EML1: variants seen among roughly 807,000 people sequenced by gnomAD.
EML1 encodes the protein EMAP like 1, also known as echinoderm microtubule-associated protein-like 1.
Under a neutral mutation model 110.4 loss-of-function variants are expected in EML1, and 27 were observed. The ratio of observed to expected loss-of-function variants is 0.24; its 90% CI spans 0.18 to 0.34. The LOEUF (loss-of-function observed/expected upper bound fraction) is 0.34. EML1 is among the 10% of genes least tolerant of loss of function. The pLI, the probability that EML1 is intolerant of heterozygous loss-of-function variation, is 1.00. For synonymous variants in EML1, 344 were observed against 385.8 expected (o/e 0.89, Z 1.27); for missense variants, 741 against 1,030.9 (o/e 0.72, Z 3.85).
intron 14 of EML1, 55 bp from the exon 15 acceptor site, chr14:99,914,511 C>T: frequency 6.4e-7 from 1 of 1,554,446 alleles, no homozygotes. Flanking sequence ...CTTACGGCTC[C>T]TGAGTGCGAA....
chr14:99,779,948 C>T (rs193027385), intron 1 of EML1, among the ~76,000 whole-genome samples: 96 of 152,302 alleles, frequency 6.3e-4, no homozygotes, highest in Non-Finnish European at 1.2e-3. Context: ...AAATACCATA[C>T]ACTGGGTGAC....
intron 10 of EML1, among the ~76,000 whole-genome samples, chr14:99,908,859 ATTCCAGGGCCC>A (rs1437151888): frequency 2.0e-5 from 3 of 152,204 alleles, no homozygotes; most frequent in African/African-American, 7.2e-5. Flanking sequence ...TGTAAAATCC[ATTCCAGGGCCC>A]TCCCTGGAGA....
At chr14:99,813,931 G>T (rs1010689565) in intron 1 of EML1, among the ~76,000 whole-genome samples, 3 of 152,206 alleles carry the variant, frequency 2.0e-5, no homozygotes, top group African/African-American at 7.2e-5. Flanking sequence ...TGGGTCAGCT[G>T]CCCGGAGCAC....
At chr14:99,796,936 T>TGTGTGTGA (rs368044152) in intron 1 of EML1, among the ~76,000 whole-genome samples, 11 of 150,142 alleles carry the variant, frequency 7.3e-5, no homozygotes, top group South Asian at 6.4e-4. Context: ...TGTGTGTGTG[T>TGTGTGTGA]GAGAGAGTAA....
intron 1 of EML1, among the ~76,000 whole-genome samples, chr14:99,840,539 C>T (rs992562507): frequency 1.3e-5 from 2 of 152,204 alleles, no homozygotes; most frequent in African/African-American, 4.8e-5. Flanking sequence ...CACCACAAAG[C>T]TTAGGCCCTG....
chr14:99,782,059 T>C (rs138476276), intron 1 of EML1, among the ~76,000 whole-genome samples: 1 of 152,240 alleles, frequency 6.6e-6, no homozygotes, highest in East Asian at 1.9e-4. Context: ...CCCCACCCTA[T>C]CGTAGGGCAC....
intron 17 of EML1, among the ~76,000 whole-genome samples, chr14:99,923,278 G>A (rs2060161809): frequency 6.6e-6 from 1 of 152,142 alleles, no homozygotes; most frequent in East Asian, 1.9e-4. Flanking sequence ...AAGCACAAAA[G>A]CTTTCAATTC....
At chr14:99,901,751 G>A (rs530116335) in intron 9 of EML1, among the ~76,000 whole-genome samples, 62 of 152,226 alleles carry the variant, frequency 4.1e-4, no homozygotes, top group South Asian at 2.9e-3. Flanking sequence ...GGATTTAGCC[G>A]GCTTCTTTAC....
intron 1 of EML1, among the ~76,000 whole-genome samples, chr14:99,742,636 G>C (rs189191526): frequency 1.2e-4 from 19 of 152,098 alleles, no homozygotes; most frequent in Non-Finnish European, 2.5e-4. Context: ...AGGACATACT[G>C]TCACTTTCAG....
intron 2 of EML1, among the ~76,000 whole-genome samples, chr14:99,854,084 A>G (rs746543760): frequency 7.2e-5 from 11 of 152,178 alleles, no homozygotes; most frequent in Non-Finnish European, 1.3e-4. Context: ...TGTCTGCCCA[A>G]TGCTGGGCGT....
At position 99,936,354 on chromosome 14, in the gene EML1, T is replaced by C. The variant is rs374404570; in HGVS notation, c.2095+20T>C. The C allele has an allele frequency of 1.9e-5, 31 of 1,608,042 alleles. No individual in the cohort carries two copies. The highest frequency in any genetic ancestry group is 2.5e-5 in the Non-Finnish European group (29 of 1,176,186). On this transcript the variant is annotated intron_variant, in intron 19 of 21. Coordinates refer to ENST00000262233, the MANE Select transcript of EML1 (RefSeq NM_004434.3). The surrounding 1 kb of genome is among the most constrained non-coding windows in gnomAD (Gnocchi z 5.5). ...TCTACTGTGAGTACCACCCCGGGGTTGTATGAAGTCTCGATCTCAGAAAGC... is the reference window on the plus strand; with the variant it reads ...TCTACTGTGAGTACCACCCCGGGGTCGTATGAAGTCTCGATCTCAGAAAGC...
intron 1 of EML1, among the ~76,000 whole-genome samples, chr14:99,748,230 G>T (rs1403242938): frequency 6.6e-6 from 1 of 152,122 alleles, no homozygotes; most frequent in Non-Finnish European, 1.5e-5. Flanking sequence ...GACAGCCCCT[G>T]CCCGCAGCCC....
At chr14:99,823,821 G>C (rs1261202717) in intron 1 of EML1, among the ~76,000 whole-genome samples, 2 of 152,118 alleles carry the variant, frequency 1.3e-5, no homozygotes, top group East Asian at 3.9e-4. Context: ...CTGTCACTTG[G>C]TATCTCTCTA....
In EML1 at chr14:99,784,994, G is replaced by A. The variant is rs2140220332; in HGVS notation, c.-27+10981G>A. On this transcript the variant is annotated intron_variant, in intron 1 of 22. Transcript: ENST00000327921. The surrounding 1 kb of genome is among the most constrained non-coding windows in gnomAD (Gnocchi z 4.5). ...TGGAAGAACTAGAGGAGCCATGAAG[G>A]ACCCTGAAAGCCAGTCTGCATGGTT... Among the ~76,000 whole-genome samples the A allele has an allele frequency of 6.6e-6, 1 of 152,360 alleles. No individual in the cohort carries two copies. Among genetic ancestry groups the A allele is most frequent in the East Asian group, 1.9e-4 (1 of 5,190 alleles).
At chr14:99,878,394 G>C (rs1388365652) in intron 3 of EML1, 91 bp from the exon 4 acceptor site, 4 of 1,491,326 alleles carry the variant, frequency 2.7e-6, no homozygotes, top group Non-Finnish European at 3.6e-6. Context: ...CCATGTGGAA[G>C]TATGACGTTC....
At chr14:99,873,868 A>G (rs1218217932) in intron 3 of EML1, among the ~76,000 whole-genome samples, 1 of 152,254 alleles carries the variant, frequency 6.6e-6, no homozygotes, top group Non-Finnish European at 1.5e-5. Flanking sequence ...TGGACCCTCC[A>G]GCACTCAGCA....
At chr14:99,794,529 G>T (rs1467656737) in intron 1 of EML1, among the ~76,000 whole-genome samples, 3 of 152,182 alleles carry the variant, frequency 2.0e-5, no homozygotes, top group African/African-American at 7.2e-5. Context: ...AAGTTTTCTT[G>T]TTATTCGACA....
At chr14:99,795,823 T>C (rs2057760558) in intron 1 of EML1, among the ~76,000 whole-genome samples, 1 of 152,246 alleles carries the variant, frequency 6.6e-6, no homozygotes, top group East Asian at 1.9e-4. Flanking sequence ...GTCATGCTGT[T>C]AATAGTGACA....
At chr14:99,925,275 C>CTTTTTTTTTT (rs972066503) in intron 17 of EML1, among the ~76,000 whole-genome samples, 1 of 136,064 alleles carries the variant, frequency 7.3e-6, no homozygotes. Context: ...TTTCTTTTTT[C>CTTTTTTTTTT]TTTTTTTTTT....
Sources: allele counts gnomAD v4.1 joint callset (sites outside exome capture counted in the v4.1 genomes callset), GRCh38; gene constraint gnomAD v4.1.1; non-coding constraint Gnocchi (gnomAD v3.1); transcripts MANE v1.5; gene names NCBI Gene and HGNC (gene_info 2026-07-23, HGNC 2026-07-21).